The following UBR3 variants were observed in gnomAD, a reference collection of about 807,000 sequenced individuals.
UBR3 encodes ubiquitin protein ligase E3 component n-recognin 3, also known as E3 ubiquitin-protein ligase UBR3.
Under a neutral mutation model 243.2 loss-of-function variants are expected in UBR3, and 85 were observed. The ratio of observed to expected loss-of-function variants is 0.35; its 90% CI spans 0.29 to 0.42. The LOEUF (loss-of-function observed/expected upper bound fraction) is 0.42. Ranked by LOEUF, UBR3 falls within the 10% of genes least tolerant of loss-of-function variation. UBR3 has a pLI of 1.00. For missense variants in UBR3, 1,686 were observed against 2,300.8 expected (o/e 0.73, Z 5.47); for synonymous variants, 748 against 799.8 (o/e 0.94, Z 1.09).
intron 1 of UBR3, among the ~76,000 whole-genome samples, chr2:169,832,710 G>A (rs1484297150): frequency 3.3e-5 from 5 of 152,010 alleles, no homozygotes; most frequent in African/African-American, 7.3e-5. Flanking sequence ...CGAGGCAGGC[G>A]GATCACCTTA....
intron 24 of UBR3, among the ~76,000 whole-genome samples, chr2:169,972,573 A>C (rs1338388699): frequency 6.6e-6 from 1 of 152,242 alleles, no homozygotes; most frequent in Non-Finnish European, 1.5e-5. Context: ...ACCATGATCA[A>C]GTGGGTTTCA....
chr2:169,865,405 G>A (rs568875462), intron 1 of UBR3, among the ~76,000 whole-genome samples: 7 of 152,096 alleles, frequency 4.6e-5, no homozygotes, highest in African/African-American at 1.4e-4. Flanking sequence ...CAGTTCTGCC[G>A]TACTGACACT....
At chr2:170,051,886 T>C (rs1286590266) in intron 32 of UBR3, among the ~76,000 whole-genome samples, 2 of 152,184 alleles carry the variant, frequency 1.3e-5, no homozygotes, top group Non-Finnish European at 2.9e-5. Flanking sequence ...CATTTCCTAC[T>C]CATTTTCAGG....
At position 169,994,982 on chromosome 2, in the gene UBR3, G is replaced by A. The variant is rs1365052912; in HGVS notation, c.3918+526G>A. Among the ~76,000 whole-genome samples, 6 of 152,272 alleles carry A rather than the reference G, an allele frequency of 3.9e-5. No homozygotes were observed. In the East Asian group the frequency reaches 9.6e-4, roughly 24 times the overall value. ...ATGGGATGGGGTCCTGCCCAGGGTC[G>A]ATCCCTACCTTGTGCTCTGAGCTGC... On this transcript the variant is annotated intron_variant, in intron 26 of 38. Coordinates refer to ENST00000272793, the MANE Select transcript of UBR3 (RefSeq NM_172070.4).
intron 24 of UBR3, among the ~76,000 whole-genome samples, chr2:169,986,221 A>T (rs931794989): frequency 6.6e-6 from 1 of 152,318 alleles, no homozygotes; most frequent in East Asian, 1.9e-4. Flanking sequence ...TTTATATTCT[A>T]GTAAATACTA....
At chr2:169,856,710 C>T (rs1304064020) in intron 1 of UBR3, among the ~76,000 whole-genome samples, 1 of 152,062 alleles carries the variant, frequency 6.6e-6, no homozygotes, top group East Asian at 1.9e-4. Context: ...CGCGCGCCTG[C>T]AATCCCAGGC....
chr2:169,963,192 G>A (rs2087659350), intron 24 of UBR3, among the ~76,000 whole-genome samples: 1 of 152,144 alleles, frequency 6.6e-6, no homozygotes, highest in Admixed American at 6.6e-5. Flanking sequence ...GAAGGAATTG[G>A]GGTGCTATGT....
chr2:169,881,696 A>C (rs988596098), intron 5 of UBR3, among the ~76,000 whole-genome samples: 26 of 136,024 alleles, frequency 1.9e-4, no homozygotes, highest in Non-Finnish European at 3.7e-4. Flanking sequence ...ACATATATAC[A>C]TATATAATTA....
intron 30 of UBR3, among the ~76,000 whole-genome samples, chr2:170,027,131 C>T (rs1321844344): frequency 4.6e-5 from 7 of 151,810 alleles, no homozygotes; most frequent in Admixed American, 2.6e-4. Flanking sequence ...AATCTTGAAT[C>T]CTATTCTTAG....
intron 5 of UBR3, among the ~76,000 whole-genome samples, chr2:169,884,693 GT>G (rs1405568157): frequency 1.3e-5 from 2 of 152,104 alleles, no homozygotes; most frequent in Non-Finnish European, 2.9e-5. Flanking sequence ...TAAAAATTCT[GT>G]TGGTGGCTAG....
At chr2:169,940,108 A>G (rs754286207) in intron 19 of UBR3, among the ~76,000 whole-genome samples, 9 of 152,158 alleles carry the variant, frequency 5.9e-5, no homozygotes, top group African/African-American at 2.2e-4. Context: ...TGATCAAATC[A>G]GGGAAATTGG....
chr2:169,938,118 C>T (rs537240139), intron 19 of UBR3, among the ~76,000 whole-genome samples: 1 of 152,122 alleles, frequency 6.6e-6, no homozygotes. Context: ...TATTTTAGCC[C>T]CTTGCCTTCC....
rs75085477 is a variant in UBR3 at position 169,934,615 on chromosome 2, G to A, written c.2663+1607G>A. Among the ~76,000 whole-genome samples the A allele has an allele frequency of 5.8e-3, 882 of 152,176 alleles. 2 individuals carry two copies. Among genetic ancestry groups the A allele is most frequent in the Non-Finnish European group, 8.1e-3 (552 of 68,002 alleles). On this transcript the variant is annotated intron_variant, in intron 19 of 38. Transcript: ENST00000272793. Reference sequence around the variant, plus strand: ...GTGGCTTAACTGATTATACTGGGAGGGATCTTTTCTTATTTGTAAGCAGGC... The same window carrying A: ...GTGGCTTAACTGATTATACTGGGAGAGATCTTTTCTTATTTGTAAGCAGGC...
chr2:170,055,585 GT>G lies in UBR3; in HGVS notation c.4785+3del. The stretch of plus-strand genomic sequence containing the variant: ...GAAACACGCGGGAGCTCTCAAAAAG[GT>G]TAGGCTCTTTCTAAATTTGTCATTT... On this transcript the variant is annotated splice_donor_variant, in intron 33 of 38. Coordinates refer to ENST00000272793, the MANE Select transcript of UBR3 (RefSeq NM_172070.4). LOFTEE classifies it high-confidence loss of function. 1 of 1,612,606 alleles carries G rather than the reference GT, an allele frequency of 6.2e-7. No individual in the cohort carries two copies. The highest frequency in any genetic ancestry group is 2.2e-5 in the East Asian group (1 of 44,820).
chr2:170,030,889 C>T (rs546932014), intron 31 of UBR3, among the ~76,000 whole-genome samples: 1 of 152,096 alleles, frequency 6.6e-6, no homozygotes, highest in East Asian at 1.9e-4. Flanking sequence ...TCATTCCCAT[C>T]CATTTGCATT....
chr2:169,881,887 G>A (rs181332388), intron 5 of UBR3, among the ~76,000 whole-genome samples: 5 of 124,692 alleles, frequency 4.0e-5, no homozygotes, highest in Non-Finnish European at 6.5e-5. Context: ...AGGTATATGT[G>A]TACATGTATA....
chr2:170,058,218 C>T (rs780328638), intron 33 of UBR3, among the ~76,000 whole-genome samples: 2 of 152,194 alleles, frequency 1.3e-5, no homozygotes, highest in East Asian at 1.9e-4. Flanking sequence ...TTGAATTTCA[C>T]TTATTCGCTT....
chr2:169,994,518 A>G, intron 26 of UBR3, 62 bp downstream of exon 26: 2 of 1,522,934 alleles, frequency 1.3e-6, no homozygotes, highest in East Asian at 4.6e-5. Context: ...TCCCTCCAGA[A>G]TTTTACATGT....
At chr2:169,840,064 G>T (rs940280845) in intron 1 of UBR3, among the ~76,000 whole-genome samples, 1 of 152,184 alleles carries the variant, frequency 6.6e-6, no homozygotes, top group Non-Finnish European at 1.5e-5. Flanking sequence ...ATCTGGGAGG[G>T]AGAGTTGTGT....
Sources: gnomAD v4.1 joint callset for allele counts (sites outside exome capture counted in the v4.1 genomes callset) on GRCh38, gnomAD v4.1.1 for gene constraint, MANE v1.5 for transcripts, NCBI Gene and HGNC (gene_info 2026-07-23, HGNC 2026-07-21) for gene names.